Variants in ZNF804A observed in about 807,000 individuals in gnomAD.
ZNF804A encodes the protein zinc finger protein 804A.
ZNF804A carries 2 observed loss-of-function variants against 16.5 expected under a neutral mutation model. The observed-to-expected ratio is 0.12, with a 90% CI of 0.05 to 0.38. The LOEUF (loss-of-function observed/expected upper bound fraction) is 0.38, where lower values mean the gene tolerates loss of function less well. Ranked by LOEUF, ZNF804A falls within the 10% of genes least tolerant of loss-of-function variation. ZNF804A has a pLI of 0.99. For missense variants in ZNF804A, 1,473 were observed against 1,390.7 expected, an observed-to-expected ratio of 1.06 and a Z score of -0.94; for synonymous variants, 534 against 489.6, an observed-to-expected ratio of 1.09 and a Z score of -1.20.
intron 2 of ZNF804A, 35 bp downstream of exon 2, chr2:184,866,547 T>A: frequency 6.3e-7 from 1 of 1,577,368 alleles, no homozygotes; most frequent in Non-Finnish European, 8.6e-7. Flanking sequence ...CTGGCATTTC[T>A]GGACTTGTGT....
intron 1 of ZNF804A, among the ~76,000 whole-genome samples, chr2:184,772,011 T>C (rs1433684980): frequency 6.6e-6 from 1 of 152,046 alleles, no homozygotes; most frequent in African/African-American, 2.4e-5. Flanking sequence ...CACACCATTG[T>C]GTGTGAAACA....
intron 2 of ZNF804A, among the ~76,000 whole-genome samples, chr2:184,893,425 A>C (rs1685017445): frequency 6.6e-6 from 1 of 152,000 alleles, no homozygotes; most frequent in Non-Finnish European, 1.5e-5. Context: ...TTGTAAGATT[A>C]ATTTATTTTG....
intron 1 of ZNF804A, among the ~76,000 whole-genome samples, chr2:184,771,553 C>A (rs1263510444): frequency 6.6e-6 from 1 of 151,512 alleles, no homozygotes; most frequent in Non-Finnish European, 1.5e-5. Flanking sequence ...TCAAGACCAT[C>A]CTGGGCAATA....
chr2:184,601,603 C>A (rs976328121), intron 1 of ZNF804A, among the ~76,000 whole-genome samples: 9 of 151,638 alleles, frequency 5.9e-5, no homozygotes, highest in Non-Finnish European at 1.3e-4. Flanking sequence ...ATTTTAATCC[C>A]AGTTTTATGG....
intron 1 of ZNF804A, among the ~76,000 whole-genome samples, chr2:184,745,423 A>C (rs1693774131): frequency 6.6e-6 from 1 of 151,664 alleles, no homozygotes; most frequent in Non-Finnish European, 1.5e-5. Flanking sequence ...GAGATTAATA[A>C]TTTTTCAGAA....
chr2:184,599,532 T>C (rs1691012908), intron 1 of ZNF804A, among the ~76,000 whole-genome samples: 1 of 152,210 alleles, frequency 6.6e-6, no homozygotes, highest in Admixed American at 6.5e-5. Flanking sequence ...AGAAAGAGTT[T>C]GTATTCCAGC....
chr2:184,841,952 A>G (rs1695442463), intron 1 of ZNF804A, among the ~76,000 whole-genome samples: 1 of 152,108 alleles, frequency 6.6e-6, no homozygotes, highest in Non-Finnish European at 1.5e-5. Context: ...TGTTTTTATC[A>G]TATGTAAAAT....
chr2:184,742,063 G>A lies in ZNF804A; in HGVS notation c.112-124306G>A, dbSNP rs527396476. On this transcript the variant is annotated intron_variant, in intron 1 of 3. Coordinates refer to ENST00000302277, the MANE Select transcript of ZNF804A (RefSeq NM_194250.2). Reference sequence around the variant, plus strand: ...TTTAGAAATTGATTCTTATCAATAAGATATAAAATCTGCTCTTATAAAGTA... The same window carrying A: ...TTTAGAAATTGATTCTTATCAATAAAATATAAAATCTGCTCTTATAAAGTA... 1.4e-3 allele frequency among the ~76,000 whole-genome samples: 218 copies of A among 151,958 alleles called. 1 individual carries two copies. The highest frequency in any genetic ancestry group is 4.7e-3 in the African/African-American group (197 of 41,486).
chr2:184,633,814 C>A, intron 1 of ZNF804A, among the ~76,000 whole-genome samples: 1 of 152,078 alleles, frequency 6.6e-6, no homozygotes, highest in South Asian at 2.1e-4. Context: ...ATTCCCCCAG[C>A]CTCCATTGAA....
chr2:184,686,025 T>A (rs1692623508), intron 1 of ZNF804A, among the ~76,000 whole-genome samples: 1 of 152,204 alleles, frequency 6.6e-6, no homozygotes, highest in African/African-American at 2.4e-5. Flanking sequence ...CAGCTCCAAG[T>A]GCACGTACAC....
intron 1 of ZNF804A, among the ~76,000 whole-genome samples, chr2:184,832,704 T>C (rs1695283759): frequency 6.6e-6 from 1 of 152,082 alleles, no homozygotes; most frequent in East Asian, 1.9e-4. Context: ...CTATTGTAAA[T>C]TGCTTGATAA....
At chr2:184,730,612 G>A (rs1186456972) in intron 1 of ZNF804A, among the ~76,000 whole-genome samples, 4 of 152,134 alleles carry the variant, frequency 2.6e-5, no homozygotes, top group African/African-American at 9.7e-5. Context: ...ATGTCATATA[G>A]TTTGAAGCAC....
At chr2:184,841,902 G>T (rs190687817) in intron 1 of ZNF804A, among the ~76,000 whole-genome samples, 79 of 152,170 alleles carry the variant, frequency 5.2e-4, no homozygotes, top group Non-Finnish European at 4.4e-5. Context: ...CCATTACATG[G>T]TATAAGACCC....
chr2:184,883,614 G>T (rs1257037169), intron 2 of ZNF804A, among the ~76,000 whole-genome samples: 1 of 151,932 alleles, frequency 6.6e-6, no homozygotes, highest in Non-Finnish European at 1.5e-5. Flanking sequence ...AATCAATTAG[G>T]ATTTTTCCCT....
At chr2:184,767,198 A>G (rs1482827813) in intron 1 of ZNF804A, among the ~76,000 whole-genome samples, 1 of 152,182 alleles carries the variant, frequency 6.6e-6, no homozygotes, top group African/African-American at 2.4e-5. Flanking sequence ...CACACAACCC[A>G]AATGTCCACT....
intron 1 of ZNF804A, among the ~76,000 whole-genome samples, chr2:184,861,936 A>G (rs1231672849): frequency 6.6e-6 from 1 of 152,162 alleles, no homozygotes; most frequent in African/African-American, 2.4e-5. Flanking sequence ...GCTTCCCTAA[A>G]AGAAAGGATT....
At chr2:184,858,541 A>ATTT (rs1695741932) in intron 1 of ZNF804A, among the ~76,000 whole-genome samples, 1 of 151,390 alleles carries the variant, frequency 6.6e-6, no homozygotes, top group Non-Finnish European at 1.5e-5. Flanking sequence ...CTTAAATTTG[A>ATTT]GAGCATTAAG....
Position 184,774,864 on chromosome 2 carries a change from T to C in ZNF804A, c.112-91505T>C, listed in dbSNP as rs76743832. Among the ~76,000 whole-genome samples, 484 of 151,558 alleles carry C rather than the reference T, an allele frequency of 3.2e-3. 5 individuals carry two copies. The highest frequency in any genetic ancestry group is 0.011 in the African/African-American group (461 of 41,446). ...TGTGCCTTCTGGACATCAATAATATTATTGTGGCCATAAACAAAGCAGCTA... is the reference window on the plus strand; with the variant it reads ...TGTGCCTTCTGGACATCAATAATATCATTGTGGCCATAAACAAAGCAGCTA... On this transcript the variant is annotated intron_variant, in intron 1 of 3. Coordinates refer to ENST00000302277, the MANE Select transcript of ZNF804A (RefSeq NM_194250.2).
chr2:184,745,440 A>G (rs1693774257), intron 1 of ZNF804A, among the ~76,000 whole-genome samples: 1 of 151,700 alleles, frequency 6.6e-6, no homozygotes. Context: ...AGAAACAACT[A>G]TCTACTTATG....
Sources: gnomAD v4.1 joint callset for allele counts (sites outside exome capture counted in the v4.1 genomes callset) on GRCh38, gnomAD v4.1.1 for gene constraint, MANE v1.5 for transcripts, NCBI Gene and HGNC (gene_info 2026-07-23, HGNC 2026-07-21) for gene names.